The following WWOX variants were observed in gnomAD, a reference collection of about 807,000 sequenced individuals.
The protein encoded by WWOX is WW domain containing oxidoreductase, also known as WW domain-containing oxidoreductase.
WWOX carries 69 observed loss-of-function variants against 46.2 expected under a neutral mutation model. That is an observed-to-expected ratio of 1.49 (90% CI 1.23 to 1.82). WWOX has a LOEUF of 1.82. WWOX is among the 40% of genes most tolerant of loss of function. The pLI is 0.00. For synonymous variants in WWOX, 359 were observed against 202.6 expected, an observed-to-expected ratio of 1.77 and a Z score of -6.56; for missense variants, 919 against 542.6, an observed-to-expected ratio of 1.69 and a Z score of -6.89.
chr16:79,031,746 C>T (rs1035366152), intron 8 of WWOX, among the ~76,000 whole-genome samples: 26 of 144,790 alleles, frequency 1.8e-4, no homozygotes, highest in African/African-American at 6.3e-4. Context: ...CTCTCTGTCT[C>T]TTTCTTTCTA....
At chr16:78,737,195 G>A (rs189450225) in intron 8 of WWOX, among the ~76,000 whole-genome samples, 215 of 151,976 alleles carry the variant, frequency 1.4e-3, no homozygotes, top group African/African-American at 5.0e-3. Context: ...CACCTCCCAT[G>A]TTCAAGCTAT....
At chr16:78,144,482 T>TAC (rs2034120646) in intron 4 of WWOX, among the ~76,000 whole-genome samples, 3 of 28,512 alleles carry the variant, frequency 1.1e-4, no homozygotes, top group African/African-American at 4.4e-4. Flanking sequence ...TATATATATA[T>TAC]ATATACACAC....
chr16:78,613,238 C>G (rs555421817), intron 8 of WWOX, among the ~76,000 whole-genome samples: 2 of 152,124 alleles, frequency 1.3e-5, no homozygotes, highest in Non-Finnish European at 2.9e-5. Flanking sequence ...CCTGACATTC[C>G]CAACATCTCT....
intron 8 of WWOX, among the ~76,000 whole-genome samples, chr16:78,707,266 A>G (rs535704104): frequency 2.6e-5 from 4 of 152,226 alleles, no homozygotes; most frequent in African/African-American, 7.2e-5. Context: ...TTAAAAAGCT[A>G]TAGAAGCAGA....
At chr16:78,517,377 AAAGT>A (rs1310088282) in intron 8 of WWOX, among the ~76,000 whole-genome samples, 2 of 148,618 alleles carry the variant, frequency 1.3e-5, no homozygotes, top group Non-Finnish European at 3.0e-5. Flanking sequence ...CATCCACAGA[AAAGT>A]AATAGAATGA....
At chr16:78,557,152 T>G (rs2044317446) in intron 8 of WWOX, among the ~76,000 whole-genome samples, 1 of 152,218 alleles carries the variant, frequency 6.6e-6, no homozygotes, top group South Asian at 2.1e-4. Flanking sequence ...CTTTTTGTAG[T>G]GGGCTATTAG....
At chr16:78,933,978 G>C (rs1400700367) in intron 8 of WWOX, among the ~76,000 whole-genome samples, 1 of 151,922 alleles carries the variant, frequency 6.6e-6, no homozygotes, top group Non-Finnish European at 1.5e-5. Context: ...AATTACTTGA[G>C]GCCAGGAGTT....
intron 8 of WWOX, among the ~76,000 whole-genome samples, chr16:79,042,156 G>A (rs187862831): frequency 7.4e-4 from 113 of 152,266 alleles, no homozygotes; most frequent in Non-Finnish European, 1.3e-3. Context: ...GTATTCACAG[G>A]TGGAGGCTCA....
At chr16:78,991,091 A>T (rs914515104) in intron 8 of WWOX, among the ~76,000 whole-genome samples, 6 of 152,226 alleles carry the variant, frequency 3.9e-5, no homozygotes, top group Admixed American at 2.6e-4. Context: ...TCAGCTTCCC[A>T]AAGAAGAGTT....
chr16:78,486,357 A>C (rs938956860), intron 8 of WWOX, among the ~76,000 whole-genome samples: 1 of 152,238 alleles, frequency 6.6e-6, no homozygotes, highest in African/African-American at 2.4e-5. Flanking sequence ...ACATCTACTA[A>C]GATTATTCAG....
intron 6 of WWOX, among the ~76,000 whole-genome samples, chr16:78,408,984 C>T (rs1481371016): frequency 6.6e-6 from 1 of 152,126 alleles, no homozygotes; most frequent in African/African-American, 2.4e-5. Flanking sequence ...TGGAGATGGG[C>T]TGTAGCTCAA....
At chr16:79,211,106 G>A (rs1180580386) in intron 8 of WWOX, among the ~76,000 whole-genome samples, 7 of 151,340 alleles carry the variant, frequency 4.6e-5, no homozygotes, top group South Asian at 2.1e-4. Context: ...TAGCAGCACC[G>A]TGGGCAAAGC....
At chr16:78,674,057 C>G (rs578005649) in intron 8 of WWOX, among the ~76,000 whole-genome samples, 2 of 151,818 alleles carry the variant, frequency 1.3e-5, no homozygotes, top group Non-Finnish European at 2.9e-5. Flanking sequence ...CGATGGGAAC[C>G]GACTCAAAGA....
intron 8 of WWOX, among the ~76,000 whole-genome samples, chr16:79,130,263 A>C (rs1321146097): frequency 6.6e-6 from 1 of 152,192 alleles, no homozygotes; most frequent in Non-Finnish European, 1.5e-5. Context: ...AATAATTTCT[A>C]TATAAAGTGC....
At position 79,170,817 on chromosome 16, in the gene WWOX, G is replaced by T. The variant is rs147965280; in HGVS notation, c.1057-40791G>T. On this transcript the variant is annotated intron_variant, in intron 8 of 8. Coordinates refer to ENST00000566780, the MANE Select transcript of WWOX (RefSeq NM_016373.4). Reference sequence around the variant, plus strand: ...ATCCTTTTTTAAAGAAATTTAAGCAGGAGATGAGGTCTTTCCAGGTTTGAG... The same window carrying T: ...ATCCTTTTTTAAAGAAATTTAAGCATGAGATGAGGTCTTTCCAGGTTTGAG... Among the ~76,000 whole-genome samples the T allele has an allele frequency of 5.7e-4, 86 of 152,212 alleles. No homozygotes were observed. The East Asian group carries it at 0.011, about 19-fold the overall frequency.
At chr16:78,197,835 C>G (rs562642906) in intron 5 of WWOX, among the ~76,000 whole-genome samples, 2 of 152,270 alleles carry the variant, frequency 1.3e-5, no homozygotes, top group African/African-American at 4.8e-5. Flanking sequence ...CTGCTGATAC[C>G]TTGGCAGAAG....
At chr16:78,677,052 C>T (rs547618337) in intron 8 of WWOX, among the ~76,000 whole-genome samples, 7 of 133,614 alleles carry the variant, frequency 5.2e-5, no homozygotes, top group East Asian at 4.3e-4. Context: ...GAATACCTAG[C>T]GTACTTTTTT....
At chr16:78,624,958 GC>G in intron 8 of WWOX, among the ~76,000 whole-genome samples, 1 of 152,138 alleles carries the variant, frequency 6.6e-6, no homozygotes, top group African/African-American at 2.4e-5. Context: ...GAACATCATG[GC>G]CCCCTTCATA....
chr16:78,592,424 A>G (rs538534230), intron 8 of WWOX, among the ~76,000 whole-genome samples: 1 of 152,316 alleles, frequency 6.6e-6, no homozygotes, highest in Non-Finnish European at 1.5e-5. Flanking sequence ...AAGAACATAC[A>G]CAAGCATGCA....
Sources: gnomAD v4.1 joint callset for allele counts (sites outside exome capture counted in the v4.1 genomes callset) on GRCh38, gnomAD v4.1.1 for gene constraint, MANE v1.5 for transcripts, NCBI Gene and HGNC (gene_info 2026-07-23, HGNC 2026-07-21) for gene names.